The following TLCD3A variants were observed in gnomAD, a reference collection of about 807,000 sequenced individuals.
TLCD3A encodes TLC domain containing 3A, also known as TLC domain-containing protein 3A.
Under a neutral mutation model 29.9 loss-of-function variants are expected in TLCD3A, and 17 were observed. The observed-to-expected ratio is 0.57, with a 90% confidence interval of 0.39 to 0.85. The LOEUF (loss-of-function observed/expected upper bound fraction) is 0.85, where lower values mean the gene tolerates loss of function less well. Ranked by LOEUF, TLCD3A falls within the 40% of genes least tolerant of loss-of-function variation. TLCD3A has a pLI of 0.00. For missense variants in TLCD3A, 332 were observed against 350.8 expected (o/e 0.95, Z 0.43); for synonymous variants, 143 against 147.7 (o/e 0.97, Z 0.23).
In TLCD3A at chr17:741,594, C is replaced by T. The variant is rs769700833; in HGVS notation, c.*24C>T. The T allele has an allele frequency of 2.5e-6, 4 of 1,605,898 alleles. No homozygotes were observed. Among genetic ancestry groups the T allele is most frequent in the South Asian group, 2.2e-5 (2 of 90,902 alleles). Reference sequence around the variant, plus strand: ...AAATGCTCCTGGGAGTCAGGCGCAGCCTCACACCAGCTGCCTCCTCCACTC... The same window carrying T: ...AAATGCTCCTGGGAGTCAGGCGCAGTCTCACACCAGCTGCCTCCTCCACTC... On this transcript the variant is annotated 3_prime_UTR_variant, in exon 5 of 5. Transcript: ENST00000308278.
chr17:738,454 C>T (rs1280459694), intron 3 of TLCD3A, among the ~76,000 whole-genome samples: 3 of 152,040 alleles, frequency 2.0e-5, no homozygotes, highest in African/African-American at 4.8e-5. Flanking sequence ...TTCTTTGCCA[C>T]TCATAGGCAC....
chr17:738,019 T>C lies in TLCD3A; in HGVS notation c.380T>C (p.Ile127Thr). ...NRLMITHHAV[I>T]LFVLVPVAQR... is the part of the protein sequence containing the mutation. ...CTCATGATCACACATCATGCGGTCA[T>C]TCTCTTTGTCCTTGTGCCAGTCGCA... The change falls in exon 3 of 5, where the codon ATT becomes ACT. Residue 127 changes from isoleucine (I) to threonine (T), a missense_variant. By Grantham distance (89) the Ile-to-Thr change is moderately conservative (BLOSUM62 -1). Coordinates refer to ENST00000308278, the MANE Select transcript of TLCD3A (RefSeq NM_024792.3). 6.2e-7 allele frequency: 1 copy of C among 1,613,636 alleles called. No individual in the cohort carries two copies. Among genetic ancestry groups the C allele is most frequent in the East Asian group, 2.2e-5 (1 of 44,864 alleles).
chr17:733,004 C>T (rs1293231576), intron 1 of TLCD3A, 94 bp from the exon 2 acceptor site: 2 of 1,454,140 alleles, frequency 1.4e-6, no homozygotes, highest in Non-Finnish European at 9.4e-7. Flanking sequence ...CATCTGCCTG[C>T]GGCTGGGGAG....
In TLCD3A at chr17:742,753, T is replaced by C. The variant is rs1488131759; in HGVS notation, c.*1183T>C. 6.5e-6 allele frequency: 1 copy of C among 152,676 alleles called. No homozygotes were observed. Among genetic ancestry groups the C allele is most frequent in the Non-Finnish European group, 1.5e-5 (1 of 68,038 alleles). The allele number at this position is 152,676 out of a possible 1,614,324, so 9.5% of individuals were successfully genotyped here. The stretch of plus-strand genomic sequence containing the variant: ...ATGAATTTAAGACTGTGCTACCATG[T>C]GTTCTCAAGTGGTAGTTTAAAAAGT... On this transcript the variant is annotated 3_prime_UTR_variant, in exon 5 of 5. Coordinates refer to ENST00000308278, the MANE Select transcript of TLCD3A (RefSeq NM_024792.3).
At chr17:734,187 TCTTC>T (rs371318519) in intron 2 of TLCD3A, among the ~76,000 whole-genome samples, 17 of 144,716 alleles carry the variant, frequency 1.2e-4, no homozygotes, top group African/African-American at 2.7e-4. Flanking sequence ...TTCTTCTTCT[TCTTC>T]TTTTTTTTTT....
chr17:732,977 C>G, intron 1 of TLCD3A, 121 bp from the exon 2 acceptor site: 1 of 1,412,062 alleles, frequency 7.1e-7, no homozygotes, highest in Non-Finnish European at 9.6e-7. Flanking sequence ...CGATGAGCCT[C>G]CGGAGCCCGC....
intron 3 of TLCD3A, 84 bp from the exon 4 acceptor site, chr17:740,421 C>G: frequency 9.8e-7 from 1 of 1,020,100 alleles, no homozygotes; most frequent in Non-Finnish European, 1.6e-6. Context: ...CACAGTTACC[C>G]TTTTCAGTAG....
Position 741,319 on chromosome 17 carries a change from C to T in TLCD3A, c.523C>T (p.Leu175Phe), listed in dbSNP as rs1396404855. 5 of 1,614,204 alleles carry T rather than the reference C, an allele frequency of 3.1e-6. No individual in the cohort carries two copies. Among genetic ancestry groups the T allele is most frequent in the Middle Eastern group, 1.7e-4 (1 of 6,060 alleles). ...VLIQLKQQHT[L>F]LYKVNGILTL... ...ATTGCAGCTAAAGCAGCAGCACACCCTTCTGTACAAGGTGAATGGAATCCT... is the reference window on the plus strand; with the variant it reads ...ATTGCAGCTAAAGCAGCAGCACACCTTTCTGTACAAGGTGAATGGAATCCT... Residue 175 changes from leucine (L) to phenylalanine (F), a missense_variant, in exon 5 of 5, where the codon CTT (leucine) becomes TTT (phenylalanine). Physicochemically the swap from Leu to Phe is conservative, Grantham distance 22 (BLOSUM62 0). Transcript: ENST00000308278.
intron 2 of TLCD3A, among the ~76,000 whole-genome samples, chr17:736,722 C>T (rs866081160): frequency 4.7e-5 from 7 of 148,910 alleles, no homozygotes; most frequent in Middle Eastern, 3.8e-3. Flanking sequence ...GTGGCGCGAT[C>T]TCGGCTCACT....
intron 2 of TLCD3A, 97 bp from the exon 3 acceptor site, chr17:737,749 G>C: frequency 9.0e-7 from 1 of 1,110,800 alleles, no homozygotes; most frequent in East Asian, 2.4e-5. Flanking sequence ...TAAAGTATTT[G>C]GAATAATAAT....
chr17:735,273 A>T (rs1212202238), intron 2 of TLCD3A, among the ~76,000 whole-genome samples: 2 of 152,044 alleles, frequency 1.3e-5, no homozygotes, highest in Non-Finnish European at 2.9e-5. Context: ...CGGCCTCCCA[A>T]AATGCTGGGA....
At chr17:736,389 A>T (rs532662538) in intron 2 of TLCD3A, among the ~76,000 whole-genome samples, 23 of 152,334 alleles carry the variant, frequency 1.5e-4, no homozygotes, top group African/African-American at 5.1e-4. Context: ...CAAATAGTAC[A>T]TGATTTCAAT....
rs1408875957 is a variant in TLCD3A, at chr17:741,963, C to G, written c.*393C>G. 2 of 233,980 alleles carry G rather than the reference C, an allele frequency of 8.5e-6. No individual in the cohort carries two copies. The highest frequency in any genetic ancestry group is 4.6e-5 in the African/African-American group (2 of 43,724). The allele number at this position is 233,980 out of a possible 1,614,324, so 14.5% of individuals were successfully genotyped here. On this transcript the variant is annotated 3_prime_UTR_variant, in exon 5 of 5. Transcript: ENST00000308278. ...ACCTTCCAAACCACTCAGGACAGTA[C>G]CCGTGGCACTGGGCCCGCAGAAGCA...
At chr17:734,948 C>T (rs1474612349) in intron 2 of TLCD3A, among the ~76,000 whole-genome samples, 1 of 152,138 alleles carries the variant, frequency 6.6e-6, no homozygotes, top group African/African-American at 2.4e-5. Context: ...TCCCAAAGTG[C>T]AGGGATCATA....
At chr17:733,039 G>A in intron 1 of TLCD3A, 59 bp from the exon 2 acceptor site, 1 of 1,528,382 alleles carries the variant, frequency 6.5e-7, no homozygotes, top group Non-Finnish European at 8.9e-7. Context: ...GCCGGGCCGG[G>A]CTCCCTGCGG....
Position 737,922 on chromosome 17 carries a change from G to C in TLCD3A, c.283G>C (p.Glu95Gln). Reference protein sequence around the residue: ...IYDSYAMYLCEWCRTRDQNRA... With the variant: ...IYDSYAMYLCQWCRTRDQNRA... ...TGACTCGTACGCCATGTACCTCTGT[G>C]AATGGTGCCGAACCAGAGACCAGAA... is the stretch of plus-strand genomic sequence containing the variant. Residue 95 changes from glutamate to glutamine, a missense_variant, in exon 3 of 5, where the codon GAA (glutamate) becomes CAA (glutamine). Physicochemically the swap from Glu to Gln is conservative, Grantham distance 29 (BLOSUM62 2). Transcript: ENST00000308278. 6.2e-7 allele frequency: 1 copy of C among 1,613,932 alleles called. No individual in the cohort carries two copies. The highest frequency in any genetic ancestry group is 8.5e-7 in the Non-Finnish European group (1 of 1,180,000).
chr17:732,852 A>AG (rs1004098163), intron 1 of TLCD3A, 83 bp downstream of exon 1: 1 of 1,362,688 alleles, frequency 7.3e-7, no homozygotes, highest in Non-Finnish European at 9.4e-7. Context: ...AGGGCGGAAA[A>AG]GGGGGGCGGC....
intron 2 of TLCD3A, among the ~76,000 whole-genome samples, chr17:737,340 G>A (rs1974171984): frequency 6.6e-6 from 1 of 152,152 alleles, no homozygotes; most frequent in African/African-American, 2.4e-5. Flanking sequence ...AAAATGGCCA[G>A]GGTTGCCTCC....
chr17:738,070 A>G (rs1216869815), intron 3 of TLCD3A, 23 bp downstream of exon 3: 1 of 1,160,208 alleles, frequency 8.6e-7, no homozygotes. Flanking sequence ...AGGACAGCAG[A>G]CCAGCAGCTG....
Sources: gnomAD v4.1 joint callset for allele counts (sites outside exome capture counted in the v4.1 genomes callset) on GRCh38, gnomAD v4.1.1 for gene constraint, MANE v1.5 for transcripts, NCBI Gene and HGNC (gene_info 2026-07-23, HGNC 2026-07-21) for gene names.